TBC1D9: variants seen among roughly 807,000 people sequenced by gnomAD.
TBC1D9 encodes the protein TBC1 domain family member 9.
TBC1D9 carries 63 observed loss-of-function variants against 132.0 expected under a neutral mutation model. The observed-to-expected ratio is 0.48, with a 90% CI of 0.39 to 0.59. TBC1D9 has a LOEUF of 0.59. TBC1D9 is among the 20% of genes least tolerant of loss of function. The pLI is 0.00. For synonymous variants in TBC1D9, 610 were observed against 609.9 expected (o/e 1.00, Z 0.00); for missense variants, 1,261 against 1,592.7 (o/e 0.79, Z 3.54).
intron 15 of TBC1D9, among the ~76,000 whole-genome samples, chr4:140,636,690 T>TCTAGAAATTGG (rs1736887096): frequency 6.6e-6 from 1 of 152,146 alleles, no homozygotes; most frequent in Non-Finnish European, 1.5e-5. Flanking sequence ...TGCACCTGTC[T>TCTAGAAATTGG]CTAGAAATTG....
chr4:140,641,097 A>C (rs1265729504), intron 13 of TBC1D9, among the ~76,000 whole-genome samples: 1 of 121,018 alleles, frequency 8.3e-6, no homozygotes, highest in Non-Finnish European at 1.7e-5. Context: ...AAGCAAAAAA[A>C]AAAAAAACAA....
At chr4:140,753,237 G>A (rs1020141902) in intron 1 of TBC1D9, among the ~76,000 whole-genome samples, 1 of 151,626 alleles carries the variant, frequency 6.6e-6, no homozygotes, top group Non-Finnish European at 1.5e-5. Context: ...ACATTACCAG[G>A]ACTCTTTCCA....
At chr4:140,624,913 G>A (rs1435215123) in intron 18 of TBC1D9, among the ~76,000 whole-genome samples, 2 of 152,152 alleles carry the variant, frequency 1.3e-5, no homozygotes, top group East Asian at 3.9e-4. Flanking sequence ...TTAGCCGGAT[G>A]TGGTGGCACA....
intron 15 of TBC1D9, among the ~76,000 whole-genome samples, chr4:140,638,499 TA>T (rs1012768191): frequency 6.4e-5 from 8 of 125,778 alleles, no homozygotes; most frequent in South Asian, 2.5e-4. Context: ...CCATCTCTAC[TA>T]AAAAAAAAGA....
At chr4:140,748,517 C>T (rs989903755) in intron 1 of TBC1D9, among the ~76,000 whole-genome samples, 7 of 152,124 alleles carry the variant, frequency 4.6e-5, no homozygotes, top group Admixed American at 1.3e-4. Flanking sequence ...GATTTTTAAA[C>T]ATCACAAATT....
At position 140,718,866 on chromosome 4, in the gene TBC1D9, G is replaced by A. The variant is rs570728779; in HGVS notation, c.131-17252C>T. On this transcript the variant is annotated intron_variant, in intron 1 of 20. Coordinates refer to ENST00000442267, the MANE Select transcript of TBC1D9 (RefSeq NM_015130.3). Reference sequence around the variant, plus strand: ...GGCCAAGGTGGATGGATCACTTAAGGTCAAGAGTTCAAGACCAGCCTGGCC... The same window carrying A: ...GGCCAAGGTGGATGGATCACTTAAGATCAAGAGTTCAAGACCAGCCTGGCC... Among the ~76,000 whole-genome samples the A allele has an allele frequency of 3.9e-5, 6 of 152,126 alleles. No individual in the cohort carries two copies. The East Asian group carries it at 5.8e-4, about 15-fold the overall frequency.
chr4:140,734,047 C>T (rs1479134919), intron 1 of TBC1D9, among the ~76,000 whole-genome samples: 3 of 152,094 alleles, frequency 2.0e-5, no homozygotes, highest in Admixed American at 6.6e-5. Context: ...ATGCTATTAC[C>T]GAGCTGATGG....
At chr4:140,630,990 A>T (rs1228747598) in intron 16 of TBC1D9, among the ~76,000 whole-genome samples, 1 of 152,230 alleles carries the variant, frequency 6.6e-6, no homozygotes, top group Non-Finnish European at 1.5e-5. Flanking sequence ...GGTACTAGTG[A>T]ATGCTCTCTC....
chr4:140,643,349 A>G, intron 13 of TBC1D9: 1 of 1,331,846 alleles, frequency 7.5e-7, no homozygotes. Context: ...CCTGGACTCC[A>G]GTAGCACCTG....
intron 2 of TBC1D9, among the ~76,000 whole-genome samples, chr4:140,693,397 C>T (rs1448481318): frequency 6.6e-6 from 1 of 152,194 alleles, no homozygotes; most frequent in Non-Finnish European, 1.5e-5. Flanking sequence ...TACTTAATGC[C>T]TCAGACCATG....
chr4:140,645,426 C>T lies in TBC1D9; in HGVS notation c.2338-5998G>A, dbSNP rs1210557959. On this transcript the variant is annotated intron_variant, in intron 13 of 20. Transcript: ENST00000442267. Reference sequence around the variant, plus strand: ...GCCCGCGCATCCAAATGCCTTGGCACTCTCCGGCCTCTCTGGGTCGCGCTT... The same window carrying T: ...GCCCGCGCATCCAAATGCCTTGGCATTCTCCGGCCTCTCTGGGTCGCGCTT... The T allele has an allele frequency of 6.9e-6, 3 of 436,542 alleles. No individual in the cohort carries two copies. The East Asian group carries it at 2.1e-4, about 30-fold the overall frequency. 27.0% of individuals were successfully genotyped at this position (436,542 alleles called of 1,614,324 possible). A position where few individuals can be genotyped will look rare whatever the true frequency, so the allele number is the denominator to read the frequency against.
intron 1 of TBC1D9, among the ~76,000 whole-genome samples, chr4:140,712,778 T>TAGAG (rs1329783492): frequency 2.0e-5 from 3 of 151,626 alleles, no homozygotes; most frequent in African/African-American, 7.3e-5. Flanking sequence ...GATAGATAGA[T>TAGAG]AGATAGATAA....
At chr4:140,743,072 T>C (rs1738785934) in intron 1 of TBC1D9, among the ~76,000 whole-genome samples, 1 of 151,956 alleles carries the variant, frequency 6.6e-6, no homozygotes, top group Non-Finnish European at 1.5e-5. Flanking sequence ...TGGAAGGAGT[T>C]ACGTAGAAAC....
At chr4:140,650,223 A>G (rs957540485) in intron 13 of TBC1D9, among the ~76,000 whole-genome samples, 3 of 152,286 alleles carry the variant, frequency 2.0e-5, no homozygotes, top group African/African-American at 7.2e-5. Flanking sequence ...TAAAGCAGAA[A>G]TCATGAACAG....
At chr4:140,712,118 C>CA (rs1738252927) in intron 1 of TBC1D9, 1 of 152,158 alleles carries the variant, frequency 6.6e-6, no homozygotes, top group Non-Finnish European at 1.5e-5. Context: ...GGTTAGAAAT[C>CA]TTGTTGCTAG....
chr4:140,749,280 T>C (rs1358903166), intron 1 of TBC1D9, among the ~76,000 whole-genome samples: 1 of 151,782 alleles, frequency 6.6e-6, no homozygotes, highest in African/African-American at 2.4e-5. Flanking sequence ...ATTTGTATTG[T>C]CCAGAATAAC....
intron 2 of TBC1D9, among the ~76,000 whole-genome samples, chr4:140,700,022 T>C (rs1331091602): frequency 6.6e-6 from 1 of 152,098 alleles, no homozygotes; most frequent in Non-Finnish European, 1.5e-5. Context: ...TTGGGCCAAT[T>C]GCAGTGGCTC....
intron 9 of TBC1D9, 31 bp downstream of exon 9, chr4:140,668,886 G>GA (rs1283859271): frequency 5.6e-6 from 9 of 1,610,454 alleles, no homozygotes; most frequent in Non-Finnish European, 7.6e-6. Context: ...CACAGACTTT[G>GA]ACGCCAGCAT....
chr4:140,679,811 A>G lies in TBC1D9; in HGVS notation c.393T>C (p.Asp131=), dbSNP rs1423838874. 2.5e-6 allele frequency: 4 copies of G among 1,613,426 alleles called. No individual in the cohort carries two copies. Among genetic ancestry groups the G allele is most frequent in the Admixed American group, 3.3e-5 (2 of 59,928 alleles). ...GIIAEYNKIN[D]VKEDDDTEKF... is the part of the protein sequence containing the mutation. ...TCTCCGTGTCATCATCTTCCTTTAC[A>G]TCATTGATTTTGTTGTATTCTGCAA... The change falls in exon 4 of 21, where the codon GAT becomes GAC. Residue 131 remains aspartate, a synonymous_variant. Coordinates refer to ENST00000442267, the MANE Select transcript of TBC1D9 (RefSeq NM_015130.3).
Sources: gnomAD v4.1 joint callset for allele counts (sites outside exome capture counted in the v4.1 genomes callset) on GRCh38, gnomAD v4.1.1 for gene constraint, MANE v1.5 for transcripts, NCBI Gene and HGNC (gene_info 2026-07-23, HGNC 2026-07-21) for gene names.